The following POLR3B variants were observed in gnomAD, a reference collection of about 807,000 sequenced individuals.
POLR3B encodes RNA polymerase III subunit B, also known as DNA-directed RNA polymerase III subunit RPC2.
POLR3B carries 96 observed loss-of-function variants against 147.4 expected under a neutral mutation model. The observed-to-expected ratio is 0.65, with a 90% CI of 0.55 to 0.77. The LOEUF (loss-of-function observed/expected upper bound fraction) is 0.77. POLR3B is among the 30% of genes least tolerant of loss of function. POLR3B has a pLI of 0.00. For missense variants in POLR3B, 1,036 were observed against 1,413.5 expected, an observed-to-expected ratio of 0.73 and a Z score of 4.28; for synonymous variants, 461 against 485.9, an observed-to-expected ratio of 0.95 and a Z score of 0.67.
intron 6 of POLR3B, among the ~76,000 whole-genome samples, chr12:106,372,080 A>G (rs1028142124): frequency 1.3e-5 from 2 of 152,178 alleles, no homozygotes; most frequent in African/African-American, 4.8e-5. Flanking sequence ...TAGAATGCTT[A>G]TATGTGCTAT....
intron 2 of POLR3B, among the ~76,000 whole-genome samples, chr12:106,366,280 C>G (rs2036534556): frequency 6.6e-6 from 1 of 152,062 alleles, no homozygotes; most frequent in Non-Finnish European, 1.5e-5. Context: ...GATTGCTTCT[C>G]AAGGAGGAAA....
intron 12 of POLR3B, among the ~76,000 whole-genome samples, chr12:106,420,338 C>T (rs967619766): frequency 3.3e-5 from 5 of 152,092 alleles, no homozygotes; most frequent in Non-Finnish European, 7.4e-5. Flanking sequence ...TTATGGAATT[C>T]CCCTTCACCT....
chr12:106,509,894 C>A lies in POLR3B; in HGVS notation c.*345C>A. 4.4e-6 allele frequency: 1 copy of A among 229,148 alleles called. No homozygotes were observed. The highest frequency in any genetic ancestry group is 2.3e-5 in the African/African-American group (1 of 44,344). 14.2% of individuals were successfully genotyped at this position (229,148 alleles called of 1,614,324 possible). On this transcript the variant is annotated 3_prime_UTR_variant, in exon 28 of 28. Transcript: ENST00000228347. Reference sequence around the variant, plus strand: ...ACTCCTTCAAGCAAATGTTTGGGGTCAAATTTACCATATCTTCTGGCTAAC... The same window carrying A: ...ACTCCTTCAAGCAAATGTTTGGGGTAAAATTTACCATATCTTCTGGCTAAC...
At chr12:106,410,258 G>T (rs538655883) in intron 11 of POLR3B, 14 of 154,002 alleles carry the variant, frequency 9.1e-5, no homozygotes, top group African/African-American at 3.1e-4. Context: ...AGCAGCTGAG[G>T]TTTGAGTCAT....
intron 14 of POLR3B, among the ~76,000 whole-genome samples, chr12:106,432,084 A>C (rs1318300315): frequency 6.6e-6 from 1 of 152,198 alleles, no homozygotes; most frequent in African/African-American, 2.4e-5. Context: ...TACTGTGCTG[A>C]GCATTTCTGT....
intron 13 of POLR3B, among the ~76,000 whole-genome samples, chr12:106,427,605 C>CATTGAACTG: frequency 6.6e-6 from 1 of 152,274 alleles, no homozygotes; most frequent in East Asian, 1.9e-4. Flanking sequence ...GAAAAATCTT[C>CATTGAACTG]ATTGAACTGT....
intron 16 of POLR3B, among the ~76,000 whole-genome samples, chr12:106,435,848 ACT>A (rs1215519444): frequency 2.0e-5 from 3 of 152,122 alleles, no homozygotes; most frequent in African/African-American, 7.2e-5. Flanking sequence ...CAAAAATAAA[ACT>A]CTTTTATAGA....
At chr12:106,387,764 G>A (rs550890792) in intron 9 of POLR3B, among the ~76,000 whole-genome samples, 55 of 152,236 alleles carry the variant, frequency 3.6e-4, no homozygotes, top group Non-Finnish European at 6.5e-4. Flanking sequence ...ATGTGACCTT[G>A]GGCATATTTT....
At chr12:106,443,293 A>G (rs2037677029) in intron 18 of POLR3B, among the ~76,000 whole-genome samples, 1 of 152,222 alleles carries the variant, frequency 6.6e-6, no homozygotes, top group Non-Finnish European at 1.5e-5. Flanking sequence ...CATAACATTT[A>G]CACTTTTAAA....
At chr12:106,424,278 C>A (rs1391007706) in intron 12 of POLR3B, among the ~76,000 whole-genome samples, 1 of 152,146 alleles carries the variant, frequency 6.6e-6, no homozygotes, top group African/African-American at 2.4e-5. Context: ...GGGACTAGAA[C>A]ACTTCATGGG....
At chr12:106,386,689 C>T (rs1278632127) in intron 9 of POLR3B, among the ~76,000 whole-genome samples, 11 of 151,906 alleles carry the variant, frequency 7.2e-5, no homozygotes, top group Admixed American at 7.2e-4. Flanking sequence ...GGGCGGATCA[C>T]GAGGTCAGGA....
At chr12:106,414,072 A>T (rs2136940504) in intron 12 of POLR3B, among the ~76,000 whole-genome samples, 1 of 150,594 alleles carries the variant, frequency 6.6e-6, no homozygotes, top group African/African-American at 2.4e-5. Context: ...TCCATATTTG[A>T]TAACTGTATT....
In POLR3B at chr12:106,454,691, A is replaced by G. The variant is rs749277976; in HGVS notation, c.2273A>G (p.Asn758Ser). The part of the protein sequence containing the change: ...GYDIEDALVL[N>S]KASLDRGFGR... ...GATATTGAAGATGCTCTTGTTTTAA[A>G]CAAGGCCTCTTTAGACAGAGGTAAG... The change falls in exon 20 of 28, where the codon AAC becomes AGC. Residue 758 changes from asparagine (N) to serine (S), a missense_variant. Physicochemically the swap from Asn to Ser is conservative, Grantham distance 46 (BLOSUM62 1). This residue lies in a region of POLR3B where 202 missense variants were observed against 272.8 expected (regional missense o/e 0.74). Transcript: ENST00000228347. 5 of 1,605,172 alleles carry G rather than the reference A, an allele frequency of 3.1e-6. No individual in the cohort carries two copies. The highest frequency in any genetic ancestry group is 3.4e-6 in the Non-Finnish European group (4 of 1,172,042).
At chr12:106,505,188 C>CA (rs1265479102) in intron 27 of POLR3B, among the ~76,000 whole-genome samples, 1 of 152,176 alleles carries the variant, frequency 6.6e-6, no homozygotes, top group Non-Finnish European at 1.5e-5. Context: ...ATTCCACTCT[C>CA]ACCAGAGAAG....
chr12:106,481,047 G>A (rs2038260279), intron 23 of POLR3B, among the ~76,000 whole-genome samples: 2 of 152,168 alleles, frequency 1.3e-5, no homozygotes, highest in Non-Finnish European at 1.5e-5. Flanking sequence ...AGCATTTGAG[G>A]TGAAGGTTTT....
At chr12:106,379,649 A>G (rs2036733028) in intron 8 of POLR3B, among the ~76,000 whole-genome samples, 1 of 152,230 alleles carries the variant, frequency 6.6e-6, no homozygotes, top group Non-Finnish European at 1.5e-5. Context: ...AAACTCGTAT[A>G]TAAATTCATT....
At chr12:106,484,084 C>T (rs2038306129) in intron 23 of POLR3B, among the ~76,000 whole-genome samples, 1 of 152,074 alleles carries the variant, frequency 6.6e-6, no homozygotes, top group South Asian at 2.1e-4. Context: ...TGCAGGCTGC[C>T]TGGTAAAGGA....
intron 19 of POLR3B, among the ~76,000 whole-genome samples, chr12:106,445,220 TAGAG>T (rs2037706068): frequency 1.3e-5 from 2 of 152,136 alleles, no homozygotes; most frequent in African/African-American, 4.8e-5. Flanking sequence ...AGCCTGAAAA[TAGAG>T]AGATGAGGCA....
chr12:106,506,390 AT>A (rs1285815771), intron 27 of POLR3B, among the ~76,000 whole-genome samples: 1 of 151,912 alleles, frequency 6.6e-6, no homozygotes, highest in African/African-American at 2.4e-5. Flanking sequence ...TCCCCCTTGC[AT>A]TCTTCCTCCC....
Sources: allele counts gnomAD v4.1 joint callset (sites outside exome capture counted in the v4.1 genomes callset), GRCh38; gene constraint gnomAD v4.1.1; regional missense constraint gnomAD v4.1.1; transcripts MANE v1.5; gene names NCBI Gene and HGNC (gene_info 2026-07-23, HGNC 2026-07-21).